Variants in PRRC2B observed in about 807,000 individuals in gnomAD.
PRRC2B encodes proline rich coiled-coil 2B.
A neutral mutation model predicts 242.3 loss-of-function variants in PRRC2B; 68 were observed. The ratio of observed to expected loss-of-function variants is 0.28; its 90% CI spans 0.23 to 0.34. The LOEUF is 0.34. Ranked by LOEUF, PRRC2B falls within the 10% of genes least tolerant of loss-of-function variation. The pLI is 1.00. For synonymous variants in PRRC2B, 1,228 were observed against 1,173.6 expected, an observed-to-expected ratio of 1.05 and a Z score of -0.95; for missense variants, 2,835 against 2,954.8, an observed-to-expected ratio of 0.96 and a Z score of 0.94.
intron 28 of PRRC2B, among the ~76,000 whole-genome samples, chr9:131,489,098 C>T (rs1334398876): frequency 3.9e-5 from 6 of 151,962 alleles, no homozygotes; most frequent in East Asian, 1.9e-4. Flanking sequence ...CTGTGGCTCT[C>T]GCATAATCTC....
At chr9:131,422,095 C>T (rs928069127) in intron 1 of PRRC2B, among the ~76,000 whole-genome samples, 1 of 151,946 alleles carries the variant, frequency 6.6e-6, no homozygotes, top group Non-Finnish European at 1.5e-5. Context: ...TCACTCTGTT[C>T]CCAGGCTGGA....
At chr9:131,389,984 G>T (rs894823270), upstream of PRRC2B, among the ~76,000 whole-genome samples, 1 of 140,270 alleles carries the variant, frequency 7.1e-6, no homozygotes. Context: ...GTGCAGTGGC[G>T]ATCTTGGCTC....
At chr9:131,492,612 A>G (rs1455396968) in intron 30 of PRRC2B, among the ~76,000 whole-genome samples, 1 of 152,230 alleles carries the variant, frequency 6.6e-6, no homozygotes, top group African/African-American at 2.4e-5. Flanking sequence ...ACAGGGCTGC[A>G]TCCTGGCAAG....
At chr9:131,416,013 C>T (rs1233436380) in intron 1 of PRRC2B, among the ~76,000 whole-genome samples, 1 of 151,926 alleles carries the variant, frequency 6.6e-6, no homozygotes, top group Non-Finnish European at 1.5e-5. Flanking sequence ...TGGGTTAATC[C>T]TTTGATTTTG....
Position 131,483,396 on chromosome 9 carries a change from G to T in PRRC2B, c.5411G>T (p.Gly1804Val), listed in dbSNP as rs1338785790. The T allele has an allele frequency of 6.2e-7, 1 of 1,613,844 alleles. No homozygotes were observed. The highest frequency in any genetic ancestry group is 1.7e-5 in the Admixed American group (1 of 60,008). ...DFSLPPGSAS[G>V]PTGSPVVKLQ... Reference sequence around the variant, plus strand: ...AGCTTGCCACCTGGTTCTGCCTCTGGTCCTACTGGGAGTCCAGTTGTTAAA... The same window carrying T: ...AGCTTGCCACCTGGTTCTGCCTCTGTTCCTACTGGGAGTCCAGTTGTTAAA... Residue 1804 changes from glycine to valine, a missense_variant, in exon 23 of 32, where the codon GGT becomes GTT. Around this residue, in one of 7 missense-constraint regions of PRRC2B, gnomAD observed 574 missense variants for 626.0 expected, o/e 0.92. Coordinates refer to ENST00000683519, the MANE Select transcript of PRRC2B (RefSeq NM_013318.4).
In PRRC2B at chr9:131,448,548, A is replaced by AAAAAAAAAAAAAAAAAC. The variant is rs1838892985; in HGVS notation, c.1120+760_1120+761insCAAAAAAAAAAAAAAAA. On this transcript the variant is annotated intron_variant, in intron 9 of 31. Transcript: ENST00000683519. The stretch of plus-strand genomic sequence containing the variant: ...GACAGAGGGAGACACTGTCTCAAAA[A>AAAAAAAAAAAAAAAAAC]AAAAAAAAAAAAAAAAAAAAAAGGA... Among the ~76,000 whole-genome samples, 23 of 83,210 alleles carry AAAAAAAAAAAAAAAAAC rather than the reference A, an allele frequency of 2.8e-4. 3 individuals are homozygous for AAAAAAAAAAAAAAAAAC. The highest frequency in any genetic ancestry group is 4.9e-4 in the Non-Finnish European group (20 of 40,504). The allele number at this position is 83,210 out of a possible 152,430, so 54.6% of individuals were successfully genotyped here. A position where few individuals can be genotyped will look rare whatever the true frequency, so the allele number is the denominator to read the frequency against.
At chr9:131,474,374 A>G (rs1943629319) in intron 15 of PRRC2B, 80 bp from the exon 16 acceptor site, 1 of 1,208,120 alleles carries the variant, frequency 8.3e-7, no homozygotes, top group Non-Finnish European at 1.1e-6. Context: ...TTTTCTTTTT[A>G]AAACTAAGCT....
At chr9:131,483,546 ACGTG>A in intron 23 of PRRC2B, 101 bp downstream of exon 23, 1 of 1,044,366 alleles carries the variant, frequency 9.6e-7, no homozygotes, top group Non-Finnish European at 1.5e-6. Flanking sequence ...CTGGGCTGGC[ACGTG>A]ACTCAGTTGC....
intron 1 of PRRC2B, among the ~76,000 whole-genome samples, chr9:131,395,993 G>C (rs1054104357): frequency 6.6e-6 from 1 of 152,178 alleles, no homozygotes; most frequent in Non-Finnish European, 1.5e-5. Flanking sequence ...CTACTTGTTT[G>C]GGCAAGTGTG....
At chr9:131,444,002 G>C (rs747587108) in intron 5 of PRRC2B, among the ~76,000 whole-genome samples, 183 bp from the exon 6 acceptor site, 5 of 152,200 alleles carry the variant, frequency 3.3e-5, no homozygotes, top group Non-Finnish European at 5.9e-5. Flanking sequence ...GATGCTGTCA[G>C]CAGCAGTCTC....
At chr9:131,376,073 G>T (rs1402379426) in intron 1 of PRRC2B, among the ~76,000 whole-genome samples, 1 of 147,990 alleles carries the variant, frequency 6.8e-6, no homozygotes, top group East Asian at 2.0e-4. Flanking sequence ...AAAAGGCCGG[G>T]CATGGTGGCT....
intron 1 of PRRC2B, among the ~76,000 whole-genome samples, chr9:131,410,334 A>C (rs897972105): frequency 1.3e-5 from 2 of 152,148 alleles, no homozygotes; most frequent in African/African-American, 4.8e-5. Flanking sequence ...TATTAGAGTA[A>C]AGATAACAGT....
chr9:131,424,009 C>A (rs888627640), intron 1 of PRRC2B, among the ~76,000 whole-genome samples: 1 of 151,876 alleles, frequency 6.6e-6, no homozygotes. Flanking sequence ...AATCTCCGTT[C>A]ACTGCAACCT....
intron 14 of PRRC2B, 139 bp from the exon 15 acceptor site, chr9:131,473,369 A>G (rs1012242805): frequency 1.3e-5 from 8 of 636,932 alleles, no homozygotes; most frequent in Middle Eastern, 7.9e-4. Flanking sequence ...TAAGAGCCCT[A>G]TGATGTGTAG....
intron 18 of PRRC2B, 61 bp downstream of exon 18, chr9:131,478,680 A>G: frequency 3.1e-6 from 4 of 1,276,644 alleles, no homozygotes; most frequent in Non-Finnish European, 4.4e-6. Flanking sequence ...TGCCCAGGAA[A>G]CCCAGAGCCA....
chr9:131,381,513 G>A (rs1480862664), intron 1 of PRRC2B, among the ~76,000 whole-genome samples: 2 of 150,094 alleles, frequency 1.3e-5, no homozygotes, highest in East Asian at 3.9e-4. Flanking sequence ...CCGCCTCCCG[G>A]GTTCACGCCA....
intron 1 of PRRC2B, among the ~76,000 whole-genome samples, chr9:131,414,814 C>G (rs902076854): frequency 6.6e-6 from 1 of 152,012 alleles, no homozygotes; most frequent in African/African-American, 2.4e-5. Context: ...AAGTGATCCA[C>G]CCGCCTTGGC....
rs1020900169 is a variant in PRRC2B at position 131,465,201 on chromosome 9, A to G, written c.1720+123A>G. The G allele has an allele frequency of 2.1e-5, 20 of 967,904 alleles. No individual in the cohort carries two copies. In the African/African-American group the frequency reaches 3.1e-4, roughly 15 times the overall value. The allele number at this position is 967,904 out of a possible 1,614,324, so 60.0% of individuals were successfully genotyped here. A position where few individuals can be genotyped will look rare whatever the true frequency, so the allele number is the denominator to read the frequency against. On this transcript the variant is annotated intron_variant, in intron 12 of 31. Coordinates refer to ENST00000683519, the MANE Select transcript of PRRC2B (RefSeq NM_013318.4). Reference sequence around the variant, plus strand: ...TGGCTTACAACGAGATCGTATTGGGAAGCATCAGTTATTAAGAGCATAGGC... The same window carrying G: ...TGGCTTACAACGAGATCGTATTGGGGAGCATCAGTTATTAAGAGCATAGGC...
chr9:131,409,276 C>T (rs1324168346), intron 1 of PRRC2B, among the ~76,000 whole-genome samples: 1 of 152,214 alleles, frequency 6.6e-6, no homozygotes, highest in East Asian at 1.9e-4. Flanking sequence ...CCCGTCTTGG[C>T]CTCCCAAAAT....
Sources: gnomAD v4.1 joint callset for allele counts (sites outside exome capture counted in the v4.1 genomes callset) on GRCh38, gnomAD v4.1.1 for gene constraint, gnomAD v4.1.1 regional missense constraint, MANE v1.5 for transcripts, NCBI Gene and HGNC (gene_info 2026-07-23, HGNC 2026-07-21) for gene names.